CLIC5: variants seen among roughly 807,000 people sequenced by gnomAD.
CLIC5 encodes CLIC family member 5, also known as chloride intracellular channel protein 5.
A neutral mutation model predicts 24.7 loss-of-function variants in CLIC5; 20 were observed. That is an observed-to-expected ratio of 0.81 (90% CI 0.57 to 1.18). The LOEUF is 1.18. CLIC5 is among the 50% of genes most tolerant of loss of function. The pLI, the probability that CLIC5 is intolerant of heterozygous loss-of-function variation, is 0.00. For synonymous variants in CLIC5, 159 were observed against 135.6 expected, an observed-to-expected ratio of 1.17 and a Z score of -1.20; for missense variants, 341 against 326.1, an observed-to-expected ratio of 1.05 and a Z score of -0.35.
upstream of CLIC5, among the ~76,000 whole-genome samples, chr6:46,017,611 C>G (rs6921481): frequency 6.6e-6 from 1 of 152,112 alleles, no homozygotes; most frequent in Admixed American, 6.5e-5. Flanking sequence ...ATGGTTTTAA[C>G]GGTCTTAACA....
chr6:46,108,032 CAAAAAAAA>C, the CLIC5 span, among the ~76,000 whole-genome samples: 2 of 33,308 alleles, frequency 6.0e-5, no homozygotes, highest in South Asian at 3.6e-3. Context: ...AAAACTCCAT[CAAAAAAAA>C]AAAAAAAAAA....
At chr6:45,913,832 G>A (rs1242368114) in intron 5 of CLIC5, 3 of 1,230,500 alleles carry the variant, frequency 2.4e-6, no homozygotes, top group Non-Finnish European at 3.0e-6. Flanking sequence ...AAGAAAAAAT[G>A]CATATGAGGG....
chr6:46,005,998 A>ATATT (rs1425938380), intron 1 of CLIC5, among the ~76,000 whole-genome samples: 1 of 115,582 alleles, frequency 8.7e-6, no homozygotes, highest in Non-Finnish European at 1.8e-5. Context: ...ATATATATAT[A>ATATT]TTTATATATA....
chr6:45,939,818 G>GTTT (rs773706517), intron 4 of CLIC5, among the ~76,000 whole-genome samples: 1 of 143,366 alleles, frequency 7.0e-6, no homozygotes. Context: ...TTAAAAACAA[G>GTTT]TTTTTTTTTT....
At chr6:46,088,462 T>A in the CLIC5 span, among the ~76,000 whole-genome samples, 1 of 152,162 alleles carries the variant, frequency 6.6e-6, no homozygotes, top group Admixed American at 6.5e-5. Flanking sequence ...GTCAAAGATG[T>A]ATGTATTTTA....
intron 1 of CLIC5, among the ~76,000 whole-genome samples, chr6:46,078,841 A>G (rs1762844365): frequency 6.6e-6 from 1 of 152,244 alleles, no homozygotes; most frequent in Non-Finnish European, 1.5e-5. Flanking sequence ...TTCATCAGAA[A>G]TGTTACTGGG....
At chr6:46,008,408 A>C (rs953670167) in intron 1 of CLIC5, among the ~76,000 whole-genome samples, 8 of 152,104 alleles carry the variant, frequency 5.3e-5, no homozygotes, top group African/African-American at 1.9e-4. Flanking sequence ...GCCTGAAGAC[A>C]CCATTTGGGC....
intron 1 of CLIC5, among the ~76,000 whole-genome samples, chr6:45,976,633 T>C (rs1156666158): frequency 6.6e-6 from 1 of 152,230 alleles, no homozygotes. Context: ...CTTTATTCAA[T>C]TCAAAGCAGT....
chr6:46,087,973 C>T, the CLIC5 span, among the ~76,000 whole-genome samples: 8 of 152,222 alleles, frequency 5.3e-5, no homozygotes, highest in African/African-American at 1.9e-4. Context: ...CAATTTGAGT[C>T]CATTGAGCTT....
At chr6:45,923,803 A>G (rs1309247742) in intron 4 of CLIC5, among the ~76,000 whole-genome samples, 4 of 152,258 alleles carry the variant, frequency 2.6e-5, no homozygotes, top group Non-Finnish European at 4.4e-5. Context: ...ATAGTGGATT[A>G]TATTAAATGT....
intron 3 of CLIC5, among the ~76,000 whole-genome samples, chr6:45,944,572 A>G (rs1764229532): frequency 6.6e-6 from 1 of 151,076 alleles, no homozygotes; most frequent in Admixed American, 6.6e-5. Context: ...AAAAAAAAAA[A>G]AATTTTTCAA....
At chr6:45,971,587 T>C (rs868802236) in intron 1 of CLIC5, among the ~76,000 whole-genome samples, 22 of 152,320 alleles carry the variant, frequency 1.4e-4, no homozygotes, top group South Asian at 4.1e-4. Flanking sequence ...CTAGATCCTA[T>C]CTAATGTTTA....
intron 1 of CLIC5, among the ~76,000 whole-genome samples, chr6:45,979,847 C>G (rs534602151): frequency 4.6e-5 from 7 of 151,848 alleles, no homozygotes; most frequent in Admixed American, 4.6e-4. Flanking sequence ...TGTTTACTCT[C>G]TCTGTTGATA....
At chr6:46,028,870 C>T (rs959026631) in intron 1 of CLIC5, among the ~76,000 whole-genome samples, 2 of 152,120 alleles carry the variant, frequency 1.3e-5, no homozygotes, top group African/African-American at 2.4e-5. Flanking sequence ...TTATACATTC[C>T]ATAGTTTTGG....
At chr6:46,076,098 A>G (rs1053882715) in intron 1 of CLIC5, among the ~76,000 whole-genome samples, 1 of 152,164 alleles carries the variant, frequency 6.6e-6, no homozygotes, top group African/African-American at 2.4e-5. Context: ...AGGTGGCCAT[A>G]CTGTTCCTTC....
chr6:45,929,098 C>T (rs1017263864), intron 4 of CLIC5, among the ~76,000 whole-genome samples: 3 of 152,110 alleles, frequency 2.0e-5, no homozygotes, highest in African/African-American at 7.2e-5. Context: ...ATGCGCCCAC[C>T]CACGCAGGGC....
At chr6:46,085,680 C>T in the CLIC5 span, among the ~76,000 whole-genome samples, 1 of 152,208 alleles carries the variant, frequency 6.6e-6, no homozygotes, top group African/African-American at 2.4e-5. Flanking sequence ...GTCAGTCTGC[C>T]CCTACTGGGG....
chr6:46,031,204 C>G (rs575685232), intron 1 of CLIC5, among the ~76,000 whole-genome samples: 2 of 152,272 alleles, frequency 1.3e-5, no homozygotes, highest in Admixed American at 6.5e-5. Context: ...ATAATATAAG[C>G]AGTGCATTTA....
At chr6:46,118,948 T>C in the CLIC5 span, among the ~76,000 whole-genome samples, 1 of 152,158 alleles carries the variant, frequency 6.6e-6, no homozygotes, top group Non-Finnish European at 1.5e-5. Context: ...TGTGGAATCC[T>C]TATCAGGGAA....
Sources: gnomAD v4.1 joint callset for allele counts (sites outside exome capture counted in the v4.1 genomes callset) on GRCh38, gnomAD v4.1.1 for gene constraint, MANE v1.5 for transcripts, NCBI Gene and HGNC (gene_info 2026-07-23, HGNC 2026-07-21) for gene names.